The following BIVM variants were observed in gnomAD, a reference collection of about 807,000 sequenced individuals.
BIVM encodes basic immunoglobulin-like variable motif-containing protein.
In BIVM, 31 loss-of-function variants were observed where a neutral mutation model predicts 61.4. The observed-to-expected ratio is 0.51, with a 90% CI of 0.38 to 0.68. The LOEUF is 0.68. BIVM is among the 30% of genes least tolerant of loss of function. The pLI is 0.00. For missense variants in BIVM, 526 were observed against 596.0 expected, an observed-to-expected ratio of 0.88 and a Z score of 1.22; for synonymous variants, 189 against 210.7, an observed-to-expected ratio of 0.90 and a Z score of 0.89.
chr13:102,834,671 C>A, intron 9 of BIVM, 119 bp downstream of exon 9: 2 of 888,338 alleles, frequency 2.3e-6, no homozygotes, highest in Non-Finnish European at 3.2e-6. Context: ...AATCACCACC[C>A]AAACAGGATA....
chr13:102,807,625 A>G lies in BIVM; in HGVS notation c.358A>G (p.Ile120Val). The G allele has an allele frequency of 6.2e-7, 1 of 1,614,186 alleles. No homozygotes were observed. Among genetic ancestry groups the G allele is most frequent in the South Asian group, 1.1e-5 (1 of 91,084 alleles). Reference sequence around the variant, plus strand: ...TATCCCGACTAGTACATCGGAAATTATCTACAATGAAGAAAATAGCTTGGA... The same window carrying G: ...TATCCCGACTAGTACATCGGAAATTGTCTACAATGAAGAAAATAGCTTGGA... ...IGIPTSTSEI[I>V]YNEENSLENL... is the part of the protein sequence containing the mutation. The change falls in exon 3 of 11, where the codon ATC becomes GTC. Residue 120 changes from isoleucine (I) to valine (V), a missense_variant. Ile to Val is a conservative substitution (Grantham distance 29). Transcript: ENST00000257336. This position sits in a 1 kb window ranked among gnomAD's most constrained non-coding sequence, Gnocchi z 4.0.
intron 3 of BIVM, among the ~76,000 whole-genome samples, chr13:102,815,251 C>T (rs886590186): frequency 6.6e-6 from 1 of 151,964 alleles, no homozygotes; most frequent in African/African-American, 2.4e-5. Context: ...TCCATGTTTG[C>T]TTACTAGGCA....
intron 4 of BIVM, among the ~76,000 whole-genome samples, chr13:102,820,219 G>T (rs1036977992): frequency 6.6e-6 from 1 of 151,956 alleles, no homozygotes; most frequent in African/African-American, 2.4e-5. Context: ...GGTTGTGGTG[G>T]CGCACGCCTG....
chr13:102,840,921 C>T lies in BIVM; in HGVS notation c.*1056C>T, dbSNP rs956821318. The T allele has an allele frequency of 6.6e-5, 10 of 152,244 alleles. No homozygotes were observed. The highest frequency in any genetic ancestry group is 2.4e-4 in the African/African-American group (10 of 41,386). The allele number at this position is 152,244 out of a possible 1,614,324, so 9.4% of individuals were successfully genotyped here. A position where few individuals can be genotyped will look rare whatever the true frequency, so the allele number is the denominator to read the frequency against. ...AAGGTTATCTGTGAAATGAGATCTCCTGATATTTGATTGCTTTCTCAGTAT... is the reference window on the plus strand; with the variant it reads ...AAGGTTATCTGTGAAATGAGATCTCTTGATATTTGATTGCTTTCTCAGTAT... On this transcript the variant is annotated 3_prime_UTR_variant, in exon 11 of 11. Coordinates refer to ENST00000257336, the MANE Select transcript of BIVM (RefSeq NM_017693.4).
intron 2 of BIVM, among the ~76,000 whole-genome samples, chr13:102,806,540 C>T (rs1320656905): frequency 3.3e-5 from 5 of 152,130 alleles, no homozygotes; most frequent in Admixed American, 6.5e-5. Flanking sequence ...TGAGTGACTG[C>T]GCCTGGCCTT....
intron 3 of BIVM, among the ~76,000 whole-genome samples, chr13:102,808,271 A>G (rs935177091): frequency 6.6e-6 from 1 of 152,178 alleles, no homozygotes; most frequent in African/African-American, 2.4e-5. Context: ...CACAGTTGCA[A>G]TGGGGTGGTC....
intron 3 of BIVM, among the ~76,000 whole-genome samples, chr13:102,812,425 T>G (rs949961168): frequency 1.3e-5 from 2 of 152,104 alleles, no homozygotes; most frequent in South Asian, 2.1e-4. Flanking sequence ...CTTGTGATTT[T>G]TTGTTGTTGT....
chr13:102,831,673 C>A lies in BIVM; in HGVS notation c.1010C>A (p.Pro337His), dbSNP rs774327892. 1.7e-5 allele frequency: 28 copies of A among 1,613,978 alleles called. No homozygotes were observed. Among genetic ancestry groups the A allele is most frequent in the Non-Finnish European group, 2.4e-5 (28 of 1,180,028 alleles). ...YFCPIGFEAT[P>H]VKANKAFSRG... ...TGTCCAATTGGCTTCGAAGCAACCCCTGTTAAAGCTAATAAAGCATTCAGG... is the reference window on the plus strand; with the variant it reads ...TGTCCAATTGGCTTCGAAGCAACCCATGTTAAAGCTAATAAAGCATTCAGG... Residue 337 changes from proline to histidine, a missense_variant, in exon 8 of 11, where the codon CCT (proline) becomes CAT (histidine). Coordinates refer to ENST00000257336, the MANE Select transcript of BIVM (RefSeq NM_017693.4).
rs966032356 is a variant in BIVM at position 102,831,607 on chromosome 13, A to T, written c.944A>T (p.Glu315Val). ...LSKLTRGLKD[E>V]SLAYIYHCQN... ...AAGTTAACCCGTGGATTGAAAGATG[A>T]ATCGCTGGCTTATATCTATCATTGC... is the stretch of plus-strand genomic sequence containing the variant. The change falls in exon 8 of 11, where the codon GAA (glutamate) becomes GTA (valine). Residue 315 changes from glutamate to valine, a missense_variant. Physicochemically the swap from Glu to Val is moderately radical, Grantham distance 121. This residue lies in a region of BIVM where 210 missense variants were observed against 233.1 expected (regional missense o/e 0.90). Coordinates refer to ENST00000257336, the MANE Select transcript of BIVM (RefSeq NM_017693.4). 2 of 1,614,186 alleles carry T rather than the reference A, an allele frequency of 1.2e-6. No homozygotes were observed. The highest frequency in any genetic ancestry group is 2.2e-5 in the South Asian group (2 of 91,082).
chr13:102,804,460 G>A (rs1221582245), intron 1 of BIVM, among the ~76,000 whole-genome samples: 1 of 152,016 alleles, frequency 6.6e-6, no homozygotes, highest in Admixed American at 6.5e-5. Context: ...ACAGGTGCGC[G>A]CCATCATGCC....
intron 7 of BIVM, among the ~76,000 whole-genome samples, chr13:102,824,746 A>G (rs1336322926): frequency 3.3e-5 from 5 of 152,108 alleles, no homozygotes; most frequent in Non-Finnish European, 5.9e-5. Context: ...TTTCTTTTGA[A>G]CTTTTAAAAA....
intron 9 of BIVM, among the ~76,000 whole-genome samples, chr13:102,836,882 T>C (rs938126903): frequency 2.6e-5 from 4 of 152,226 alleles, no homozygotes; most frequent in African/African-American, 7.2e-5. Context: ...ATTTTTCTTT[T>C]TCTTAAAGAT....
intron 1 of BIVM, among the ~76,000 whole-genome samples, chr13:102,802,024 T>A (rs1404176107): frequency 6.6e-6 from 1 of 152,080 alleles, no homozygotes; most frequent in East Asian, 1.9e-4. Flanking sequence ...CCATCAGGAG[T>A]TGGCCTTTTG....
Position 102,799,402 on chromosome 13 carries a change from G to A in BIVM, c.-326G>A, listed in dbSNP as rs1401296828. The A allele has an allele frequency of 6.5e-6, 1 of 152,912 alleles. No homozygotes were observed. Among genetic ancestry groups the A allele is most frequent in the East Asian group, 1.9e-4 (1 of 5,206 alleles). The allele number at this position is 152,912 out of a possible 1,614,324, so 9.5% of individuals were successfully genotyped here. On this transcript the variant is annotated 5_prime_UTR_variant, in exon 1 of 11. Transcript: ENST00000257336. Reference sequence around the variant, plus strand: ...CCTCGCTCGCTCCGATGGGACGAGGGACGCCGGCCCCAGGGTAACAGGAGG... The same window carrying A: ...CCTCGCTCGCTCCGATGGGACGAGGAACGCCGGCCCCAGGGTAACAGGAGG...
intron 8 of BIVM, 117 bp downstream of exon 8, chr13:102,831,814 G>A: frequency 9.0e-7 from 1 of 1,110,506 alleles, no homozygotes; most frequent in South Asian, 1.6e-5. Context: ...CGGATCACGA[G>A]GTCAGAAGAT....
At chr13:102,822,961 G>T (rs943630908) in intron 7 of BIVM, among the ~76,000 whole-genome samples, 3 of 152,154 alleles carry the variant, frequency 2.0e-5, no homozygotes, top group Admixed American at 2.0e-4. Context: ...GGGGTTTGGG[G>T]GTGGGATATT....
intron 3 of BIVM, 146 bp from the exon 4 acceptor site, chr13:102,816,282 T>G (rs1595343330): frequency 5.6e-6 from 4 of 713,850 alleles, no homozygotes; most frequent in South Asian, 2.9e-5. Context: ...CTGTGGCAGT[T>G]ATTTATTTGT....
At chr13:102,816,670 A>G (rs1289621968) in intron 4 of BIVM, 116 bp downstream of exon 4, 2 of 961,848 alleles carry the variant, frequency 2.1e-6, no homozygotes, top group Non-Finnish European at 2.7e-6. Flanking sequence ...TTATTTCTAA[A>G]ATTATTACCA....
intron 3 of BIVM, among the ~76,000 whole-genome samples, chr13:102,812,695 C>A (rs1417677448): frequency 3.9e-5 from 6 of 152,074 alleles, no homozygotes; most frequent in African/African-American, 1.4e-4. Context: ...TTTGAAATGT[C>A]TGGCTCCCCA....
Sources: gnomAD v4.1 joint callset for allele counts (sites outside exome capture counted in the v4.1 genomes callset) on GRCh38, gnomAD v4.1.1 for gene constraint, gnomAD v4.1.1 regional missense constraint, Gnocchi (gnomAD v3.1) non-coding constraint, MANE v1.5 for transcripts, NCBI Gene and HGNC (gene_info 2026-07-23, HGNC 2026-07-21) for gene names.